Variants in TNNI3K observed in about 807,000 individuals in gnomAD.
The protein encoded by TNNI3K is TNNI3 interacting kinase.
TNNI3K carries 140 observed loss-of-function variants against 114.5 expected under a neutral mutation model. The observed-to-expected ratio is 1.22, with a 90% CI of 1.07 to 1.41. The LOEUF (loss-of-function observed/expected upper bound fraction) is 1.41. Among genes scored for constraint, TNNI3K ranks in the 40% most tolerant of loss-of-function variants. TNNI3K has a pLI of 0.00. For missense variants in TNNI3K, 1,125 were observed against 1,007.6 expected (o/e 1.12, Z -1.58); for synonymous variants, 347 against 347.5 (o/e 1.00, Z 0.02).
At chr1:74,271,130 TGGG>T (rs1656320404) in intron 4 of TNNI3K, among the ~76,000 whole-genome samples, 3 of 151,986 alleles carry the variant, frequency 2.0e-5, no homozygotes, top group African/African-American at 7.2e-5. Flanking sequence ...AACAGCCTAC[TGGG>T]CTGCATGTAC....
intron 21 of TNNI3K, chr1:74,480,612 T>TA: frequency 1.4e-6 from 1 of 717,238 alleles, no homozygotes; most frequent in East Asian, 2.7e-5. Flanking sequence ...CCGAAAGAAC[T>TA]GTCTGTGAGA....
At chr1:74,428,173 A>G (rs534621052) in intron 17 of TNNI3K, among the ~76,000 whole-genome samples, 2 of 152,200 alleles carry the variant, frequency 1.3e-5, no homozygotes, top group Admixed American at 6.5e-5. Flanking sequence ...GTTCACTGAA[A>G]TTAGGCTTTC....
intron 20 of TNNI3K, among the ~76,000 whole-genome samples, chr1:74,450,683 A>G (rs559307145): frequency 2.6e-4 from 39 of 152,332 alleles, no homozygotes; most frequent in Admixed American, 9.8e-4. Flanking sequence ...AACGCAGATC[A>G]AAACCACAAT....
intron 17 of TNNI3K, among the ~76,000 whole-genome samples, chr1:74,391,970 T>A (rs976946434): frequency 3.7e-4 from 52 of 142,050 alleles, no homozygotes; most frequent in African/African-American, 7.5e-4. Context: ...TTTTTTTTTT[T>A]TTTTTTTTTT....
intron 17 of TNNI3K, among the ~76,000 whole-genome samples, chr1:74,414,369 AT>A (rs1665022721): frequency 6.6e-6 from 1 of 152,178 alleles, no homozygotes; most frequent in Non-Finnish European, 1.5e-5. Context: ...ACATAGGACC[AT>A]TTATCTGGCA....
intron 21 of TNNI3K, 119 bp from the exon 22 acceptor site, chr1:74,489,069 TA>T: frequency 1.3e-6 from 1 of 763,668 alleles, no homozygotes; most frequent in Non-Finnish European, 2.0e-6. Context: ...GTATTTTAAA[TA>T]AAAATATACT....
At chr1:74,406,223 A>G (rs973307194) in intron 17 of TNNI3K, among the ~76,000 whole-genome samples, 3 of 152,120 alleles carry the variant, frequency 2.0e-5, no homozygotes, top group African/African-American at 4.8e-5. Flanking sequence ...AAGCTTGTCC[A>G]CCCCACAGCC....
intron 21 of TNNI3K, among the ~76,000 whole-genome samples, chr1:74,486,497 T>C (rs1489916985): frequency 2.5e-5 from 3 of 122,404 alleles, no homozygotes; most frequent in Non-Finnish European, 4.7e-5. Flanking sequence ...TGTGTGTTTT[T>C]TGTTTTTTGC....
chr1:74,469,887 T>G, intron 21 of TNNI3K: 1 of 400,590 alleles, frequency 2.5e-6, no homozygotes, highest in Non-Finnish European at 4.4e-6. Context: ...TTTATTCTGT[T>G]TCTAAAGGTG....
chr1:74,516,962 T>A (rs1646357567), intron 23 of TNNI3K, among the ~76,000 whole-genome samples: 1 of 152,140 alleles, frequency 6.6e-6, no homozygotes, highest in Admixed American at 6.5e-5. Context: ...CTAAAAGAAA[T>A]ATTTACAGTC....
intron 5 of TNNI3K, among the ~76,000 whole-genome samples, chr1:74,276,679 G>A (rs1311717075): frequency 1.3e-5 from 2 of 152,044 alleles, no homozygotes; most frequent in Non-Finnish European, 2.9e-5. Flanking sequence ...ACCTTTCTCT[G>A]TGAAACAATA....
intron 11 of TNNI3K, 97 bp downstream of exon 11, chr1:74,354,226 A>G: frequency 6.5e-7 from 1 of 1,548,882 alleles, no homozygotes; most frequent in Middle Eastern, 1.8e-4. Flanking sequence ...CATGACTTGA[A>G]CACTCTCATT....
rs1190581034 is a variant in TNNI3K, at chr1:74,489,764, TG to T, written c.2181+517del. Among the ~76,000 whole-genome samples, 30 of 152,198 alleles carry T rather than the reference TG, an allele frequency of 2.0e-4. 1 individual carries two copies. Among genetic ancestry groups the T allele is most frequent in the Admixed American group, 2.0e-3 (30 of 15,276 alleles). The stretch of plus-strand genomic sequence containing the variant: ...ATTTTCTTGCCTTATTAAAGCTGTT[TG>T]CTTTAAGTTTCTCTACAATTGCCTT... On this transcript the variant is annotated intron_variant, in intron 22 of 24. Transcript: ENST00000326637.
intron 5 of TNNI3K, among the ~76,000 whole-genome samples, chr1:74,306,698 T>A (rs151214879): frequency 4.6e-5 from 7 of 152,366 alleles, no homozygotes; most frequent in Admixed American, 3.9e-4. Flanking sequence ...TCTCTTCATG[T>A]GCTTTGCCTA....
At chr1:74,492,465 C>T (rs1669130258) in intron 23 of TNNI3K, among the ~76,000 whole-genome samples, 199 bp downstream of exon 23, 1 of 152,104 alleles carries the variant, frequency 6.6e-6, no homozygotes, top group Non-Finnish European at 1.5e-5. Flanking sequence ...CCTCTAGTTG[C>T]AAGTAACAGG....
chr1:74,523,154 C>T (rs1224918035), intron 23 of TNNI3K, among the ~76,000 whole-genome samples: 1 of 152,146 alleles, frequency 6.6e-6, no homozygotes, highest in African/African-American at 2.4e-5. Context: ...CCCTCAGTTT[C>T]TTCAAGAAAA....
chr1:74,423,194 C>T (rs1347910222), intron 17 of TNNI3K, among the ~76,000 whole-genome samples: 3 of 151,704 alleles, frequency 2.0e-5, no homozygotes, highest in Admixed American at 2.0e-4. Flanking sequence ...AGGTACACAC[C>T]TCACCTCTCC....
intron 4 of TNNI3K, among the ~76,000 whole-genome samples, chr1:74,268,767 C>A (rs556889510): frequency 6.1e-4 from 93 of 151,932 alleles, no homozygotes; most frequent in Middle Eastern, 3.4e-3. Context: ...TGCATCTTAA[C>A]CCTGCCTTAT....
chr1:74,275,496 C>G (rs7553863), intron 5 of TNNI3K, among the ~76,000 whole-genome samples: 89,398 of 151,804 alleles, frequency 0.59, 29,967 homozygotes, highest in East Asian at 0.82. Flanking sequence ...AACACAGAGC[C>G]AAAGCATATC....
Sources: gnomAD v4.1 joint callset for allele counts (sites outside exome capture counted in the v4.1 genomes callset) on GRCh38, gnomAD v4.1.1 for gene constraint, MANE v1.5 for transcripts, NCBI Gene and HGNC (gene_info 2026-07-23, HGNC 2026-07-21) for gene names.